Variants in KCNIP4 observed in about 807,000 individuals in gnomAD.
KCNIP4 encodes Kv channel-interacting protein 4.
Under a neutral mutation model 34.0 loss-of-function variants are expected in KCNIP4, and 12 were observed. That is an observed-to-expected ratio of 0.35 (90% CI 0.23 to 0.57). The LOEUF is 0.57. KCNIP4 is among the 20% of genes least tolerant of loss of function. KCNIP4 has a pLI of 0.83. For missense variants in KCNIP4, 238 were observed against 311.7 expected (o/e 0.76, Z 1.78); for synonymous variants, 124 against 102.2 (o/e 1.21, Z -1.29).
intron 1 of KCNIP4, among the ~76,000 whole-genome samples, chr4:21,541,211 A>C (rs1483351592): frequency 1.3e-5 from 2 of 150,652 alleles, no homozygotes; most frequent in Admixed American, 1.3e-4. Context: ...AGAGAGAGAG[A>C]GATGAAAAAA....
intron 1 of KCNIP4, among the ~76,000 whole-genome samples, chr4:21,869,352 G>C (rs1725624387): frequency 6.6e-6 from 1 of 152,088 alleles, no homozygotes; most frequent in Admixed American, 6.5e-5. Flanking sequence ...TAGGCTCCTA[G>C]AAGGTTGAGA....
At chr4:21,144,627 G>A (rs564101930) in intron 1 of KCNIP4, among the ~76,000 whole-genome samples, 3 of 152,204 alleles carry the variant, frequency 2.0e-5, no homozygotes, top group South Asian at 2.1e-4. Flanking sequence ...TACTACTTCC[G>A]TTGTTCCATA....
chr4:21,543,061 C>T (rs1044778475), intron 1 of KCNIP4, among the ~76,000 whole-genome samples: 2 of 151,538 alleles, frequency 1.3e-5, no homozygotes, highest in Non-Finnish European at 2.9e-5. Flanking sequence ...ATAGACATTC[C>T]CAAATTTGAC....
At chr4:21,649,290 G>A (rs552409770) in intron 1 of KCNIP4, among the ~76,000 whole-genome samples, 3 of 152,266 alleles carry the variant, frequency 2.0e-5, no homozygotes, top group African/African-American at 7.2e-5. Context: ...ACAGTCATGT[G>A]AATGACAAGT....
rs1235004938 is a variant in KCNIP4 at position 21,497,796 on chromosome 4, T to C, written c.61+450775A>G. Reference sequence around the variant, plus strand: ...TATAAATTTATTTTAAATGAAACTTTATATAATTCATAAAAAATTAATGCA... The same window carrying C: ...TATAAATTTATTTTAAATGAAACTTCATATAATTCATAAAAAATTAATGCA... On this transcript the variant is annotated intron_variant, in intron 1 of 8. Coordinates refer to ENST00000382152, the MANE Select transcript of KCNIP4 (RefSeq NM_025221.6). Among the ~76,000 whole-genome samples, 3 of 152,140 alleles carry C rather than the reference T, an allele frequency of 2.0e-5. No individual in the cohort carries two copies. The East Asian group carries it at 5.8e-4, about 29-fold the overall frequency.
intron 1 of KCNIP4, among the ~76,000 whole-genome samples, chr4:21,179,680 G>A (rs554139378): frequency 6.7e-4 from 102 of 152,168 alleles, no homozygotes; most frequent in Non-Finnish European, 1.4e-3. Context: ...TGCTATTTCT[G>A]GCTTGTGAGA....
At chr4:21,719,429 G>A (rs183099287) in intron 1 of KCNIP4, among the ~76,000 whole-genome samples, 1 of 152,308 alleles carries the variant, frequency 6.6e-6, no homozygotes, top group East Asian at 1.9e-4. Flanking sequence ...AAGCTGGGGT[G>A]AGGGTGTTGA....
chr4:21,546,510 C>A (rs1738167527), intron 1 of KCNIP4, among the ~76,000 whole-genome samples: 1 of 152,064 alleles, frequency 6.6e-6, no homozygotes, highest in Non-Finnish European at 1.5e-5. Context: ...ATTGTATATT[C>A]TTTTTCCTCT....
intron 1 of KCNIP4, among the ~76,000 whole-genome samples, chr4:21,623,194 G>T (rs1745101270): frequency 6.6e-6 from 1 of 152,122 alleles, no homozygotes. Context: ...CAGGAAAACA[G>T]ATTTGTAATT....
In KCNIP4 at chr4:20,967,223, C is replaced by A. The variant is rs116360877; in HGVS notation, c.62-84514G>T. ...AAACTTCGTCACATGAACACAATAC[C>A]CCACACATTTACTTGAGATGAACAT... On this transcript the variant is annotated intron_variant, in intron 1 of 8. Transcript: ENST00000382152. 9.4e-3 allele frequency among the ~76,000 whole-genome samples: 1,433 copies of A among 152,154 alleles called. 22 individuals are homozygous for A. The highest frequency in any genetic ancestry group is 0.033 in the African/African-American group (1,354 of 41,506).
chr4:21,430,347 C>T (rs1056330493), intron 1 of KCNIP4, among the ~76,000 whole-genome samples: 3 of 151,456 alleles, frequency 2.0e-5, no homozygotes, highest in African/African-American at 4.9e-5. Context: ...AAAGAAGAAA[C>T]TCTCCCTTGA....
intron 1 of KCNIP4, among the ~76,000 whole-genome samples, chr4:21,933,616 G>T (rs1019373412): frequency 9.9e-5 from 15 of 152,050 alleles, no homozygotes; most frequent in African/African-American, 3.4e-4. Flanking sequence ...TGAGGACAGG[G>T]AAGGTATCTG....
chr4:21,750,057 A>G (rs1717047237), intron 1 of KCNIP4, among the ~76,000 whole-genome samples: 1 of 152,136 alleles, frequency 6.6e-6, no homozygotes, highest in South Asian at 2.1e-4. Context: ...CACGCCCTTC[A>G]GAGTGGAATG....
chr4:21,589,204 G>GTATCTATACAGA (rs1577650496), intron 1 of KCNIP4, among the ~76,000 whole-genome samples: 2 of 43,906 alleles, frequency 4.6e-5, no homozygotes, highest in East Asian at 5.3e-4. Flanking sequence ...ATATATATGT[G>GTATCTATACAGA]TACATATATA....
chr4:21,677,574 A>G (rs1040998652), intron 1 of KCNIP4, among the ~76,000 whole-genome samples: 3 of 152,004 alleles, frequency 2.0e-5, no homozygotes, highest in Admixed American at 2.0e-4. Context: ...GAGCCTCTCC[A>G]CTCAAAGGCC....
At chr4:21,386,223 A>T in intron 1 of KCNIP4, among the ~76,000 whole-genome samples, 1 of 152,180 alleles carries the variant, frequency 6.6e-6, no homozygotes, top group East Asian at 1.9e-4. Context: ...TTAGACAATA[A>T]AGAGAAATTG....
At chr4:21,786,024 C>A (rs1719884788) in intron 1 of KCNIP4, among the ~76,000 whole-genome samples, 1 of 152,170 alleles carries the variant, frequency 6.6e-6, no homozygotes, top group Non-Finnish European at 1.5e-5. Flanking sequence ...TCTTGGCTCA[C>A]TGCAACCTCC....
intron 1 of KCNIP4, among the ~76,000 whole-genome samples, chr4:21,466,828 A>G (rs890315350): frequency 1.3e-5 from 2 of 152,046 alleles, no homozygotes; most frequent in Non-Finnish European, 2.9e-5. Context: ...CTACAATCGC[A>G]GTACCCCATC....
chr4:21,942,402 T>C (rs2109020877), intron 1 of KCNIP4, among the ~76,000 whole-genome samples: 1 of 152,292 alleles, frequency 6.6e-6, no homozygotes, highest in South Asian at 2.1e-4. Flanking sequence ...GGAGTAAGAA[T>C]GAGGGAATGT....
Sources: gnomAD v4.1 joint callset for allele counts (sites outside exome capture counted in the v4.1 genomes callset) on GRCh38, gnomAD v4.1.1 for gene constraint, MANE v1.5 for transcripts, NCBI Gene and HGNC (gene_info 2026-07-23, HGNC 2026-07-21) for gene names.